CLCN5: variants seen among roughly 807,000 people sequenced by gnomAD.
CLCN5 encodes H(+)/Cl(-) exchange transporter 5.
A neutral mutation model predicts 54.0 loss-of-function variants in CLCN5; 17 were observed. The ratio of observed to expected loss-of-function variants is 0.31; its 90% confidence interval spans 0.22 to 0.47. The LOEUF (loss-of-function observed/expected upper bound fraction) is 0.47, where lower values mean the gene tolerates loss of function less well. CLCN5 is among the 20% of genes least tolerant of loss of function. CLCN5 has a pLI of 1.00. For synonymous variants in CLCN5, 222 were observed against 233.0 expected (o/e 0.95, Z 0.43); for missense variants, 448 against 646.7 (o/e 0.69, Z 3.33).
At chrX:50,050,649 C>T (rs1932546791) in intron 4 of CLCN5, among the ~76,000 whole-genome samples, 3 of 88,629 alleles carry the variant, frequency 3.4e-5, no homozygotes, top group Admixed American at 2.5e-4. Context: ...TGTGGCTTGT[C>T]TTCTTGGCTT....
chrX:50,067,479 A>T, intron 4 of CLCN5: 1 of 384,026 alleles, frequency 2.6e-6, no homozygotes, highest in Non-Finnish European at 3.3e-6. Context: ...CTACATCTTT[A>T]AGGCTTCTGT....
Position 49,924,145 on chromosome X carries a change from A to ATTTTTTTTTTTTTTTTTTTTTTTTTT in CLCN5, c.-129+680_-129+681insTTTTTTTTTTTTTTTTTTTTTTTTTT, listed in dbSNP as rs34424526. On this transcript the variant is annotated intron_variant, in intron 2 of 14. Coordinates refer to ENST00000376091, the MANE Select transcript of CLCN5 (RefSeq NM_001127898.4). Reference sequence around the variant, plus strand: ...ATTTTTTCTCCCATTCCTAGCTCCTATTTTTTTTTTTTTTTTTGGTTTGAG... The same window carrying ATTTTTTTTTTTTTTTTTTTTTTTTTT: ...ATTTTTTCTCCCATTCCTAGCTCCTATTTTTTTTTTTTTTTTTTTTTTTTTTTTTTTTTTTTTTTTTTTGGTTTGAG... 3.6e-5 allele frequency among the ~76,000 whole-genome samples: 3 copies of ATTTTTTTTTTTTTTTTTTTTTTTTTT among 84,505 alleles called. 1 individual carries two copies. Among genetic ancestry groups the ATTTTTTTTTTTTTTTTTTTTTTTTTT allele is most frequent in the African/African-American group, 1.3e-4 (3 of 22,336 alleles). 73.4% of individuals were successfully genotyped at this position (84,505 alleles called of 115,157 possible).
intron 9 of CLCN5, among the ~76,000 whole-genome samples, chrX:50,084,016 A>C (rs1321117222): frequency 8.9e-6 from 1 of 112,378 alleles, no homozygotes; most frequent in African/African-American, 3.2e-5. Context: ...AGTTAGACTC[A>C]TATGAATACA....
intron 3 of CLCN5, among the ~76,000 whole-genome samples, chrX:49,937,970 A>G: frequency 9.0e-6 from 1 of 111,318 alleles, no homozygotes; most frequent in Admixed American, 9.6e-5. Context: ...AGTCTCCCCC[A>G]AAAAGAGGGT....
At chrX:50,015,649 C>T (rs116429673) in intron 3 of CLCN5, among the ~76,000 whole-genome samples, 2,982 of 109,566 alleles carry the variant, frequency 0.027, 99 homozygotes, top group African/African-American at 0.094. Flanking sequence ...TCACTCCCCT[C>T]CTCCCATCCT....
At chrX:50,064,621 A>G (rs1473170989) in intron 4 of CLCN5, among the ~76,000 whole-genome samples, 1 of 100,302 alleles carries the variant, frequency 1.0e-5, no homozygotes, top group Admixed American at 1.1e-4. Context: ...ATCCCCATCA[A>G]GCTACCAATG....
intron 3 of CLCN5, among the ~76,000 whole-genome samples, chrX:49,935,677 G>A (rs782665643): frequency 4.5e-5 from 5 of 111,586 alleles, no homozygotes; most frequent in East Asian, 2.8e-4. Context: ...AGTTATCCAC[G>A]CAAAGAGTTG....
chrX:49,926,298 A>G (rs782628970), intron 3 of CLCN5, among the ~76,000 whole-genome samples: 8 of 112,571 alleles, frequency 7.1e-5, no homozygotes, highest in Non-Finnish European at 1.5e-4. Flanking sequence ...TGACTCACAC[A>G]ATGGGCATTT....
At chrX:49,935,315 G>A (rs149851383) in intron 3 of CLCN5, among the ~76,000 whole-genome samples, 1,576 of 111,692 alleles carry the variant, frequency 0.014, 21 homozygotes, top group African/African-American at 0.049. Flanking sequence ...AAGCCTCCCC[G>A]ATCCTCTGGT....
chrX:49,936,943 G>A (rs781969813), intron 3 of CLCN5, among the ~76,000 whole-genome samples: 2 of 111,370 alleles, frequency 1.8e-5, no homozygotes, highest in Non-Finnish European at 3.8e-5. Flanking sequence ...AAAGAGTAAA[G>A]TAGCCTGGAC....
chrX:50,043,602 A>G (rs1557187463), intron 4 of CLCN5, among the ~76,000 whole-genome samples: 1 of 111,595 alleles, frequency 9.0e-6, no homozygotes, highest in Non-Finnish European at 1.9e-5. Flanking sequence ...TGTTCATGTG[A>G]TGTTCCTATT....
At chrX:49,989,603 G>A in intron 3 of CLCN5, among the ~76,000 whole-genome samples, 1 of 112,012 alleles carries the variant, frequency 8.9e-6, no homozygotes, top group South Asian at 3.7e-4. Flanking sequence ...GGAACATACA[G>A]AGCACCTACT....
intron 3 of CLCN5, among the ~76,000 whole-genome samples, chrX:49,955,416 C>T (rs782554734): frequency 1.3e-3 from 142 of 109,775 alleles, no homozygotes; most frequent in African/African-American, 4.3e-3. Context: ...TAACAGCTTC[C>T]GATTAGCTGT....
At chrX:50,048,953 C>T (rs1484450264) in intron 4 of CLCN5, among the ~76,000 whole-genome samples, 2 of 110,753 alleles carry the variant, frequency 1.8e-5, no homozygotes, top group African/African-American at 6.6e-5. Context: ...ATGTAACCAC[C>T]TGTATCTACG....
intron 3 of CLCN5, among the ~76,000 whole-genome samples, chrX:49,932,524 C>A (rs926525212): frequency 1.8e-5 from 2 of 111,999 alleles, no homozygotes; most frequent in Non-Finnish European, 3.8e-5. Flanking sequence ...GCATGTGTGG[C>A]CCCCTGGACA....
intron 3 of CLCN5, among the ~76,000 whole-genome samples, chrX:50,034,797 G>A (rs1351557533): frequency 9.0e-6 from 1 of 110,810 alleles, no homozygotes; most frequent in Admixed American, 9.6e-5. Flanking sequence ...CAATTATTGG[G>A]AGTGTGTACT....
At chrX:50,089,017 C>T in intron 12 of CLCN5, 133 bp downstream of exon 12, 1 of 575,852 alleles carries the variant, frequency 1.7e-6, no homozygotes, top group East Asian at 3.5e-5. Context: ...TTTCCAAGCA[C>T]ATTAAGAAAG....
At chrX:49,964,711 A>C (rs1433673820) in intron 3 of CLCN5, among the ~76,000 whole-genome samples, 4 of 111,423 alleles carry the variant, frequency 3.6e-5, no homozygotes. Context: ...CCCAGCTATA[A>C]TCAAGATTAT....
chrX:49,969,265 A>G (rs1372628397), intron 3 of CLCN5, among the ~76,000 whole-genome samples: 2 of 111,267 alleles, frequency 1.8e-5, no homozygotes, highest in Non-Finnish European at 1.9e-5. Flanking sequence ...TTTAGTAGAG[A>G]CAGGGTTTTG....
Sources: allele counts gnomAD v4.1 joint callset (sites outside exome capture counted in the v4.1 genomes callset), GRCh38; gene constraint gnomAD v4.1.1; transcripts MANE v1.5; gene names NCBI Gene and HGNC (gene_info 2026-07-23, HGNC 2026-07-21).